Variants in LINGO2 observed in about 807,000 individuals in gnomAD.
LINGO2 encodes leucine-rich repeat and immunoglobulin-like domain-containing nogo receptor-interacting protein 2.
A neutral mutation model predicts 30.6 loss-of-function variants in LINGO2; 14 were observed. The ratio of observed to expected loss-of-function variants is 0.46; its 90% confidence interval spans 0.30 to 0.72. The LOEUF is 0.72. Ranked by LOEUF, LINGO2 falls within the 30% of genes least tolerant of loss-of-function variation. LINGO2 has a pLI of 0.07. For missense variants in LINGO2, 729 were observed against 751.7 expected (o/e 0.97, Z 0.35); for synonymous variants, 317 against 288.5 (o/e 1.10, Z -1.00).
chr9:28,459,214 T>A (rs1306761976), intron 2 of LINGO2, among the ~76,000 whole-genome samples: 2 of 151,988 alleles, frequency 1.3e-5, no homozygotes, highest in African/African-American at 4.8e-5. Context: ...GATGTTATGG[T>A]TCTTTCATCT....
At chr9:29,002,782 C>T in the LINGO2 span, among the ~76,000 whole-genome samples, 1 of 151,972 alleles carries the variant, frequency 6.6e-6, no homozygotes, top group Non-Finnish European at 1.5e-5. Context: ...TCAATCTCCC[C>T]TCTTACTTGT....
chr9:28,095,326 G>A (rs968228077), intron 4 of LINGO2, among the ~76,000 whole-genome samples: 1 of 152,018 alleles, frequency 6.6e-6, no homozygotes, highest in Non-Finnish European at 1.5e-5. Flanking sequence ...CACCAATGTT[G>A]TTTTTCCAAG....
intron 2 of LINGO2, among the ~76,000 whole-genome samples, chr9:28,386,392 T>C (rs1226187525): frequency 6.6e-6 from 1 of 152,158 alleles, no homozygotes; most frequent in South Asian, 2.1e-4. Flanking sequence ...CTGATTCATA[T>C]TTCCCTAAAC....
At chr9:28,889,648 T>C in the LINGO2 span, among the ~76,000 whole-genome samples, 1 of 152,102 alleles carries the variant, frequency 6.6e-6, no homozygotes, top group African/African-American at 2.4e-5. Context: ...TGGAATCTTT[T>C]CTACCAGCCA....
chr9:28,635,452 G>A (rs552066123), intron 1 of LINGO2, among the ~76,000 whole-genome samples: 10 of 152,146 alleles, frequency 6.6e-5, no homozygotes, highest in Admixed American at 3.3e-4. Flanking sequence ...TAAAGAAAAT[G>A]GCATGGAAAA....
At chr9:29,179,730 G>C in the LINGO2 span, among the ~76,000 whole-genome samples, 41 of 152,216 alleles carry the variant, frequency 2.7e-4, no homozygotes, top group African/African-American at 9.6e-4. Context: ...CTGAGTGCTT[G>C]TATGTGCTAT....
chr9:28,471,870 A>G (rs534120062), intron 2 of LINGO2, among the ~76,000 whole-genome samples: 2 of 152,220 alleles, frequency 1.3e-5, no homozygotes, highest in Non-Finnish European at 2.9e-5. Flanking sequence ...TCTGGTCATG[A>G]TGAAATACAT....
chr9:29,121,940 G>C, the LINGO2 span, among the ~76,000 whole-genome samples: 26 of 151,980 alleles, frequency 1.7e-4, no homozygotes, highest in African/African-American at 6.0e-4. Flanking sequence ...TAATTGGTGA[G>C]GACAGGTAAG....
intron 1 of LINGO2, among the ~76,000 whole-genome samples, chr9:28,649,112 T>C (rs1337330220): frequency 6.6e-6 from 1 of 152,144 alleles, no homozygotes; most frequent in Non-Finnish European, 1.5e-5. Flanking sequence ...CTCACCTTTT[T>C]CCACTTGAAT....
At chr9:28,642,649 T>A (rs747281413) in intron 1 of LINGO2, among the ~76,000 whole-genome samples, 16 of 152,052 alleles carry the variant, frequency 1.1e-4, no homozygotes, top group Non-Finnish European at 1.8e-4. Flanking sequence ...AAAAATGCAT[T>A]GTGGAATGGG....
intron 1 of LINGO2, among the ~76,000 whole-genome samples, chr9:28,625,708 T>G (rs1208850542): frequency 1.3e-5 from 2 of 152,150 alleles, no homozygotes; most frequent in Non-Finnish European, 2.9e-5. Flanking sequence ...TACTAAAATT[T>G]GTTCATTTAT....
the LINGO2 span, among the ~76,000 whole-genome samples, chr9:29,170,950 T>G: frequency 6.6e-6 from 1 of 152,144 alleles, no homozygotes; most frequent in Admixed American, 6.5e-5. Context: ...TATAAATTGC[T>G]TTAGAAGTGT....
chr9:28,894,234 C>T, the LINGO2 span, among the ~76,000 whole-genome samples: 1 of 152,156 alleles, frequency 6.6e-6, no homozygotes, highest in African/African-American at 2.4e-5. Context: ...GTCTTTATAG[C>T]AGCATGATTT....
At chr9:28,882,574 A>G in the LINGO2 span, among the ~76,000 whole-genome samples, 1 of 152,162 alleles carries the variant, frequency 6.6e-6, no homozygotes, top group Non-Finnish European at 1.5e-5. Flanking sequence ...TCAGTACACT[A>G]GAAATATTTC....
the LINGO2 span, among the ~76,000 whole-genome samples, chr9:28,705,608 C>A: frequency 1.3e-5 from 2 of 152,212 alleles, no homozygotes; most frequent in East Asian, 3.9e-4. Context: ...TCTGCTCCCA[C>A]TGCCAGAATC....
chr9:28,102,031 A>G (rs367991657), intron 4 of LINGO2, among the ~76,000 whole-genome samples: 37 of 152,060 alleles, frequency 2.4e-4, no homozygotes, highest in African/African-American at 8.4e-4. Flanking sequence ...TTTGCCTCCA[A>G]CTCACCTTGA....
chr9:28,562,704 T>C (rs1450400377), intron 1 of LINGO2, among the ~76,000 whole-genome samples: 5 of 152,070 alleles, frequency 3.3e-5, no homozygotes, highest in Admixed American at 3.3e-4. Context: ...TACCTCACTC[T>C]CCCATTTTTC....
At chr9:28,036,510 T>A (rs1286575764) in intron 4 of LINGO2, among the ~76,000 whole-genome samples, 9 of 152,166 alleles carry the variant, frequency 5.9e-5, no homozygotes, top group African/African-American at 2.2e-4. Context: ...TATTTATCTG[T>A]CTAGAAGGAA....
chr9:28,163,384 A>G lies in LINGO2; in HGVS notation c.-87+131824T>C, dbSNP rs145270718. On this transcript the variant is annotated intron_variant, in intron 4 of 5. Coordinates refer to ENST00000379992, the Ensembl canonical transcript of LINGO2. ...TAATAACTAGACACTGATAACTTGA[A>G]AGCAATGTAATGTGAATGCAAAGTC... Among the ~76,000 whole-genome samples, 628 of 152,290 alleles carry G rather than the reference A, an allele frequency of 4.1e-3. 11 individuals are homozygous for G. Among genetic ancestry groups the G allele is most frequent in the African/African-American group, 0.014 (599 of 41,570 alleles).
Sources: allele counts gnomAD v4.1 joint callset (sites outside exome capture counted in the v4.1 genomes callset), GRCh38; gene constraint gnomAD v4.1.1; transcripts MANE v1.5; gene names NCBI Gene and HGNC (gene_info 2026-07-23, HGNC 2026-07-21).